The following YIPF4 variants were observed in gnomAD, a reference collection of about 807,000 sequenced individuals.
YIPF4 encodes the protein Yip1 domain family member 4, also known as protein YIPF4.
YIPF4 carries 18 observed loss-of-function variants against 29.4 expected under a neutral mutation model. The observed-to-expected ratio is 0.61, with a 90% CI of 0.42 to 0.91. The LOEUF (loss-of-function observed/expected upper bound fraction) is 0.91. Among genes scored for constraint, YIPF4 ranks in the 40% least tolerant of loss-of-function variants. The probability of loss-of-function intolerance (pLI) is 0.00; values close to 1 mark genes in which losing one functional copy is unlikely to be tolerated. For synonymous variants in YIPF4, 115 were observed against 104.7 expected, an observed-to-expected ratio of 1.10 and a Z score of -0.60; for missense variants, 279 against 282.7, an observed-to-expected ratio of 0.99 and a Z score of 0.09.
intron 2 of YIPF4, 106 bp from the exon 3 acceptor site, chr2:32,292,071 A>G (rs1354842245): frequency 4.5e-6 from 3 of 669,332 alleles, no homozygotes; most frequent in African/African-American, 3.7e-5. Flanking sequence ...TTGTTGACCT[A>G]TGGAGATTAT....
intron 5 of YIPF4, among the ~76,000 whole-genome samples, chr2:32,304,041 T>G (rs1178510150): frequency 6.6e-6 from 1 of 152,246 alleles, no homozygotes; most frequent in East Asian, 1.9e-4. Context: ...ATAAATGTAT[T>G]ATAAAATGGA....
At position 32,305,628 on chromosome 2, in the gene YIPF4, C is replaced by G. The variant is rs2031555474; in HGVS notation, c.*2C>G. ...TTGTCGTTATATACTGGTGTGTGAT[C>G]CAAGTTATACATGAATAGAAAAAGA... On this transcript the variant is annotated 3_prime_UTR_variant, in exon 6 of 6. Transcript: ENST00000238831. The G allele has an allele frequency of 1.3e-6, 2 of 1,574,084 alleles. No homozygotes were observed. Among genetic ancestry groups the G allele is most frequent in the African/African-American group, 2.7e-5 (2 of 72,904 alleles).
At chr2:32,286,537 A>G (rs544697793) in intron 1 of YIPF4, among the ~76,000 whole-genome samples, 1 of 152,230 alleles carries the variant, frequency 6.6e-6, no homozygotes, top group Non-Finnish European at 1.5e-5. Context: ...AATTTATACA[A>G]GACTTTGAAA....
At chr2:32,292,629 G>GA (rs1298265219) in intron 3 of YIPF4, among the ~76,000 whole-genome samples, 1 of 152,008 alleles carries the variant, frequency 6.6e-6, no homozygotes, top group East Asian at 1.9e-4. Flanking sequence ...TTGGGAGGCC[G>GA]AGGTGGGTGG....
chr2:32,289,974 TGAAA>T (rs963298074), intron 1 of YIPF4, among the ~76,000 whole-genome samples: 4 of 152,106 alleles, frequency 2.6e-5, no homozygotes, highest in African/African-American at 7.2e-5. Flanking sequence ...ATGATTTAAA[TGAAA>T]GAATATATGA....
At chr2:32,285,536 T>G (rs2148958966) in intron 1 of YIPF4, among the ~76,000 whole-genome samples, 1 of 152,344 alleles carries the variant, frequency 6.6e-6, no homozygotes, top group East Asian at 1.9e-4. Context: ...GTGATACTTT[T>G]CTGTCACTCT....
At chr2:32,293,060 TTTTTTA>T (rs1207107525) in intron 3 of YIPF4, among the ~76,000 whole-genome samples, 1 of 130,268 alleles carries the variant, frequency 7.7e-6, no homozygotes, top group East Asian at 2.0e-4. Flanking sequence ...TTATTTTTAT[TTTTTTA>T]TTTTTATTTA....
In YIPF4 at chr2:32,280,678, G is replaced by A. The variant is rs143627981; in HGVS notation, c.79+2444G>A. On this transcript the variant is annotated intron_variant, in intron 1 of 5. Transcript: ENST00000238831. ...ATTACAGGCGTGAGCCACCGCGCCC[G>A]GCCTAATTTTTGAACATTTTGTAGA... Among the ~76,000 whole-genome samples, 188 of 152,150 alleles carry A rather than the reference G, an allele frequency of 1.2e-3. 1 individual carries two copies. Among genetic ancestry groups the A allele is most frequent in the African/African-American group, 4.4e-3 (181 of 41,522 alleles).
In YIPF4 at chr2:32,293,181, G is replaced by A. The variant is rs2030996930; in HGVS notation, c.405+833G>A. 2.0e-5 allele frequency among the ~76,000 whole-genome samples: 3 copies of A among 152,114 alleles called. No homozygotes were observed. In the South Asian group the frequency reaches 6.2e-4, roughly 32 times the overall value. ...AGGGAAGGTCAGCAGATAAACAAGT[G>A]AACAAAGAAACAAGTGAACAAAGGT... On this transcript the variant is annotated intron_variant, in intron 3 of 5. Transcript: ENST00000238831.
intron 1 of YIPF4, among the ~76,000 whole-genome samples, chr2:32,286,578 G>T (rs371891781): frequency 1.3e-5 from 2 of 151,554 alleles, no homozygotes; most frequent in South Asian, 4.2e-4. Context: ...ATGGAGTTGC[G>T]CTCTGTTGGC....
intron 3 of YIPF4, among the ~76,000 whole-genome samples, chr2:32,293,177 A>C (rs1399508837): frequency 1.3e-5 from 2 of 152,036 alleles, no homozygotes; most frequent in African/African-American, 4.8e-5. Flanking sequence ...GCAGATAAAC[A>C]AGTGAACAAA....
chr2:32,282,300 C>T (rs1320403589), intron 1 of YIPF4, among the ~76,000 whole-genome samples: 5 of 152,140 alleles, frequency 3.3e-5, no homozygotes, highest in African/African-American at 1.2e-4. Flanking sequence ...CTGCTATCTC[C>T]TCAAGTTTCT....
chr2:32,297,959 C>A (rs550330528), intron 3 of YIPF4, among the ~76,000 whole-genome samples: 15 of 149,104 alleles, frequency 1.0e-4, no homozygotes, highest in Admixed American at 9.3e-4. Flanking sequence ...TGATAGTAAA[C>A]ACTTTTTTTT....
In YIPF4 at chr2:32,306,623, A is replaced by G; in HGVS notation, c.*997A>G. 3.1e-6 allele frequency: 3 copies of G among 982,636 alleles called. No individual in the cohort carries two copies. The highest frequency in any genetic ancestry group is 2.4e-6 in the Non-Finnish European group (2 of 827,364). 60.9% of individuals were successfully genotyped at this position (982,636 alleles called of 1,614,324 possible). Reference sequence around the variant, plus strand: ...TGTATTACTTGATATTTTAACAAGTATCAGGTACTCTCTAACAAATGTACA... The same window carrying G: ...TGTATTACTTGATATTTTAACAAGTGTCAGGTACTCTCTAACAAATGTACA... On this transcript the variant is annotated 3_prime_UTR_variant, in exon 6 of 6. Coordinates refer to ENST00000238831, the MANE Select transcript of YIPF4 (RefSeq NM_032312.4).
At chr2:32,295,664 C>T (rs1438051476) in intron 3 of YIPF4, among the ~76,000 whole-genome samples, 1 of 152,132 alleles carries the variant, frequency 6.6e-6, no homozygotes, top group African/African-American at 2.4e-5. Flanking sequence ...AGTGCAATGG[C>T]ACGATCTCAG....
Position 32,312,082 on chromosome 2 carries a change from C to T in YIPF4, c.*6456C>T, listed in dbSNP as rs796859748. ...TTACTTCATGTGATAATTATAGTCT[C>T]TTCATGGAAAACAGTAAAAATACTC... On this transcript the variant is annotated 3_prime_UTR_variant, in exon 6 of 6. Coordinates refer to ENST00000238831, the MANE Select transcript of YIPF4 (RefSeq NM_032312.4). 2 of 152,148 alleles carry T rather than the reference C, an allele frequency of 1.3e-5. No homozygotes were observed. The highest frequency in any genetic ancestry group is 4.1e-4 in the South Asian group (2 of 4,832). 9.4% of individuals were successfully genotyped at this position (152,148 alleles called of 1,614,324 possible).
chr2:32,305,811 G>C lies in YIPF4; in HGVS notation c.*185G>C. 8 of 1,217,776 alleles carry C rather than the reference G, an allele frequency of 6.6e-6. No individual in the cohort carries two copies. Among genetic ancestry groups the C allele is most frequent in the African/African-American group, 3.1e-5 (2 of 64,010 alleles). 75.4% of individuals were successfully genotyped at this position (1,217,776 alleles called of 1,614,324 possible). ...TAATTAAGCAATTGCAGTTATCTGG[G>C]ATTTTTGGGTCAGAATTTTAAATTC... On this transcript the variant is annotated 3_prime_UTR_variant, in exon 6 of 6. Coordinates refer to ENST00000238831, the MANE Select transcript of YIPF4 (RefSeq NM_032312.4).
chr2:32,305,903 T>G lies in YIPF4; in HGVS notation c.*277T>G. The stretch of plus-strand genomic sequence containing the variant: ...TTGTGTTTTTAAGATTGTGTCGATA[T>G]TCACCTAAAAACTTGTGCCAAAAGC... On this transcript the variant is annotated 3_prime_UTR_variant, in exon 6 of 6. Transcript: ENST00000238831. 9.6e-7 allele frequency: 1 copy of G among 1,046,548 alleles called. No individual in the cohort carries two copies. Among genetic ancestry groups the G allele is most frequent in the Non-Finnish European group, 1.1e-6 (1 of 870,772 alleles). The allele number at this position is 1,046,548 out of a possible 1,614,324, so 64.8% of individuals were successfully genotyped here. A position where few individuals can be genotyped will look rare whatever the true frequency, so the allele number is the denominator to read the frequency against.
In YIPF4 at chr2:32,298,115, C is replaced by G; in HGVS notation, c.406-119C>G. The G allele has an allele frequency of 4.4e-6, 3 of 684,594 alleles. No individual in the cohort carries two copies. The South Asian group carries it at 5.5e-5, about 13-fold the overall frequency. The allele number at this position is 684,594 out of a possible 1,614,324, so 42.4% of individuals were successfully genotyped here. On this transcript the variant is annotated intron_variant, in intron 3 of 5. Transcript: ENST00000238831. ...AGTAATACCTGAGAGCCCACATAAT[C>G]TCTCTATGACCTGAAATTGGGCATG...
Sources: allele counts gnomAD v4.1 joint callset (sites outside exome capture counted in the v4.1 genomes callset), GRCh38; gene constraint gnomAD v4.1.1; transcripts MANE v1.5; gene names NCBI Gene and HGNC (gene_info 2026-07-23, HGNC 2026-07-21).